The following MALT1 variants were observed in gnomAD, a reference collection of about 807,000 sequenced individuals.
MALT1 encodes mucosa-associated lymphoid tissue lymphoma translocation protein 1.
In MALT1, 36 loss-of-function variants were observed where a neutral mutation model predicts 85.5. The ratio of observed to expected loss-of-function variants is 0.42; its 90% CI spans 0.32 to 0.56. The LOEUF is 0.56. Among genes scored for constraint, MALT1 ranks in the 20% least tolerant of loss-of-function variants. The pLI is 0.10. For missense variants in MALT1, 716 were observed against 981.6 expected, an observed-to-expected ratio of 0.73 and a Z score of 3.62; for synonymous variants, 359 against 361.3, an observed-to-expected ratio of 0.99 and a Z score of 0.07.
intron 13 of MALT1, 25 bp from the exon 14 acceptor site, chr18:58,741,837 AAAT>A (rs1373392532): frequency 5.0e-6 from 7 of 1,398,584 alleles, no homozygotes; most frequent in Non-Finnish European, 5.8e-6. Context: ...GTGGTCTTAA[AAAT>A]AATATTTATT....
At chr18:58,738,703 CAT>C (rs376578042) in intron 13 of MALT1, among the ~76,000 whole-genome samples, 1 of 152,250 alleles carries the variant, frequency 6.6e-6, no homozygotes, top group African/African-American at 2.4e-5. Flanking sequence ...AATAGTATCT[CAT>C]GTGATATTGA....
At chr18:58,718,438 C>A (rs1186690684) in intron 9 of MALT1, among the ~76,000 whole-genome samples, 1 of 152,204 alleles carries the variant, frequency 6.6e-6, no homozygotes, top group African/African-American at 2.4e-5. Context: ...CGAGCATTAC[C>A]ACCTGAGCTC....
chr18:58,701,348 C>T (rs1321477013), intron 4 of MALT1, among the ~76,000 whole-genome samples: 2 of 152,232 alleles, frequency 1.3e-5, no homozygotes, highest in African/African-American at 2.4e-5. Flanking sequence ...CTTTGCGTCA[C>T]TTCTTCCTTC....
Position 58,750,619 on chromosome 18 carries a change from C to G in MALT1, c.*2777C>G, listed in dbSNP as rs1369697515. 6.6e-6 allele frequency: 1 copy of G among 152,138 alleles called. No homozygotes were observed. The highest frequency in any genetic ancestry group is 1.5e-5 in the Non-Finnish European group (1 of 68,030). The allele number at this position is 152,138 out of a possible 1,614,324, so 9.4% of individuals were successfully genotyped here. A position where few individuals can be genotyped will look rare whatever the true frequency, so the allele number is the denominator to read the frequency against. ...CTTGTTTTCAACAAGGATGCCAATA[C>G]CATCAATAGAGAAGGAGTGGTCTTT... is the stretch of plus-strand genomic sequence containing the variant. On this transcript the variant is annotated 3_prime_UTR_variant, in exon 17 of 17. Coordinates refer to ENST00000649217, the MANE Select transcript of MALT1 (RefSeq NM_006785.4).
Position 58,681,248 on chromosome 18 carries a change from G to A in MALT1, c.288G>A (p.Met96Ile). ...CCAGCCTGTGTCTGCTGAAGTTAAT[G>A]GGTGAAAAAGGTTGCACAGTCACAG... ...GSPSLCLLKL[M>I]GEKGCTVTEL... Residue 96 changes from methionine to isoleucine, a missense_variant, in exon 2 of 17, where the codon ATG becomes ATA. Transcript: ENST00000649217. The A allele has an allele frequency of 6.2e-7, 1 of 1,614,134 alleles. No individual in the cohort carries two copies. Among genetic ancestry groups the A allele is most frequent in the Non-Finnish European group, 8.5e-7 (1 of 1,179,992 alleles).
Position 58,748,398 on chromosome 18 carries a change from A to G in MALT1, c.*556A>G, listed in dbSNP as rs2055402261. ...AATATATTTATATATATATAAATAT[A>G]TACAGATACATATCTGTGTATTATC... On this transcript the variant is annotated 3_prime_UTR_variant, in exon 17 of 17. Transcript: ENST00000649217. The G allele has an allele frequency of 5.6e-6, 1 of 178,704 alleles. No individual in the cohort carries two copies. The highest frequency in any genetic ancestry group is 6.3e-5 in the Admixed American group (1 of 15,844). 11.1% of individuals were successfully genotyped at this position (178,704 alleles called of 1,614,324 possible).
intron 1 of MALT1, chr18:58,672,614 A>G (rs2054180991): frequency 6.6e-6 from 1 of 152,224 alleles, no homozygotes; most frequent in South Asian, 2.1e-4. Flanking sequence ...TAAAGCTAAG[A>G]CATTTAAAAA....
At chr18:58,741,010 A>T (rs1006501322) in intron 13 of MALT1, among the ~76,000 whole-genome samples, 13 of 150,996 alleles carry the variant, frequency 8.6e-5, no homozygotes, top group Admixed American at 2.6e-4. Flanking sequence ...TTTTTGTATC[A>T]TACTAACAGA....
intron 15 of MALT1, among the ~76,000 whole-genome samples, 200 bp downstream of exon 15, chr18:58,744,695 T>C: frequency 6.6e-6 from 1 of 152,142 alleles, no homozygotes; most frequent in Non-Finnish European, 1.5e-5. Flanking sequence ...TAGAAATGTC[T>C]AAAGTTCACT....
chr18:58,737,080 C>A (rs2055232070), intron 13 of MALT1, among the ~76,000 whole-genome samples: 2 of 152,152 alleles, frequency 1.3e-5, no homozygotes, highest in Admixed American at 1.3e-4. Flanking sequence ...GTGGCTCACA[C>A]CTGTAATCCC....
chr18:58,700,395 T>C, intron 3 of MALT1, 46 bp from the exon 4 acceptor site: 1 of 1,428,806 alleles, frequency 7.0e-7, no homozygotes, highest in Non-Finnish European at 9.4e-7. Flanking sequence ...TTTTATAAGG[T>C]GTGTTTTTGA....
chr18:58,709,595 A>C lies in MALT1; in HGVS notation c.828+39A>C, dbSNP rs780159081. The C allele has an allele frequency of 4.0e-6, 6 of 1,497,880 alleles. No homozygotes were observed. The South Asian group carries it at 6.3e-5, about 16-fold the overall frequency. 92.8% of individuals were successfully genotyped at this position (1,497,880 alleles called of 1,614,324 possible). On this transcript the variant is annotated intron_variant, in intron 5 of 16. Transcript: ENST00000649217. Reference sequence around the variant, plus strand: ...TTTGGGGTCTTTTGGGGGAGTTAACATGTAAAACAAATGGTACAATTGAAA... The same window carrying C: ...TTTGGGGTCTTTTGGGGGAGTTAACCTGTAAAACAAATGGTACAATTGAAA...
intron 10 of MALT1, among the ~76,000 whole-genome samples, chr18:58,729,698 C>G (rs945892843): frequency 6.6e-6 from 1 of 152,136 alleles, no homozygotes; most frequent in Non-Finnish European, 1.5e-5. Flanking sequence ...CCTTTGAAAA[C>G]CAAGAAAATG....
intron 9 of MALT1, among the ~76,000 whole-genome samples, chr18:58,716,762 T>C: frequency 6.6e-6 from 1 of 151,942 alleles, no homozygotes; most frequent in Non-Finnish European, 1.5e-5. Flanking sequence ...ATATTCAAAG[T>C]GTTTTGGTAG....
intron 13 of MALT1, among the ~76,000 whole-genome samples, chr18:58,737,219 C>G (rs1159545614): frequency 6.6e-6 from 1 of 152,062 alleles, no homozygotes; most frequent in African/African-American, 2.4e-5. Flanking sequence ...GTGGCTCATG[C>G]CTGTAATCCC....
intron 5 of MALT1, 85 bp downstream of exon 5, chr18:58,709,641 T>A: frequency 9.2e-7 from 1 of 1,085,532 alleles, no homozygotes; most frequent in Non-Finnish European, 1.3e-6. Flanking sequence ...ACATTAAAAC[T>A]CATATCCTTT....
chr18:58,750,552 G>A lies in MALT1; in HGVS notation c.*2710G>A, dbSNP rs1223081779. On this transcript the variant is annotated 3_prime_UTR_variant, in exon 17 of 17. Transcript: ENST00000649217. ...GGATAGACATATCGATCAGAGGAAT[G>A]GAACTGAACATCCAGAAATAAACCC... The A allele has an allele frequency of 1.3e-5, 2 of 152,192 alleles. No homozygotes were observed. Among genetic ancestry groups the A allele is most frequent in the African/African-American group, 4.8e-5 (2 of 41,452 alleles). The allele number at this position is 152,192 out of a possible 1,614,324, so 9.4% of individuals were successfully genotyped here.
At chr18:58,702,932 T>A (rs2054694759) in intron 4 of MALT1, among the ~76,000 whole-genome samples, 1 of 152,214 alleles carries the variant, frequency 6.6e-6, no homozygotes, top group African/African-American at 2.4e-5. Context: ...ACCATGTTCT[T>A]TGTTGTATTT....
rs1249893409 is a variant in MALT1 at position 58,723,011 on chromosome 18, A to G, written c.1019-37A>G. 2.0e-6 allele frequency: 3 copies of G among 1,482,480 alleles called. No individual in the cohort carries two copies. The African/African-American group carries it at 4.2e-5, about 21-fold the overall frequency. The allele number at this position is 1,482,480 out of a possible 1,614,324, so 91.8% of individuals were successfully genotyped here. A position where few individuals can be genotyped will look rare whatever the true frequency, so the allele number is the denominator to read the frequency against. The stretch of plus-strand genomic sequence containing the variant: ...CCATAGGTTTTGTTTTAATCTTTAT[A>G]TCTTCTTTAAACACCCCCTTTCTTT... On this transcript the variant is annotated intron_variant, in intron 9 of 16. Coordinates refer to ENST00000649217, the MANE Select transcript of MALT1 (RefSeq NM_006785.4).
Sources: gnomAD v4.1 joint callset for allele counts (sites outside exome capture counted in the v4.1 genomes callset) on GRCh38, gnomAD v4.1.1 for gene constraint, MANE v1.5 for transcripts, NCBI Gene and HGNC (gene_info 2026-07-23, HGNC 2026-07-21) for gene names.